The following ITFG2 variants were observed in gnomAD, a reference collection of about 807,000 sequenced individuals.
ITFG2 encodes integrin alpha FG-GAP repeat containing 2, also known as KICSTOR complex protein ITFG2.
In ITFG2, 36 loss-of-function variants were observed where a neutral mutation model predicts 54.4. The ratio of observed to expected loss-of-function variants is 0.66; its 90% confidence interval spans 0.51 to 0.87. The LOEUF (loss-of-function observed/expected upper bound fraction) is 0.87. ITFG2 is among the 40% of genes least tolerant of loss of function. ITFG2 has a pLI of 0.00. For missense variants in ITFG2, 524 were observed against 576.7 expected, an observed-to-expected ratio of 0.91 and a Z score of 0.94; for synonymous variants, 211 against 225.4, an observed-to-expected ratio of 0.94 and a Z score of 0.57.
At chr12:2,828,417 A>C (rs770362535), downstream of ITFG2, 16 of 1,612,648 alleles carry the variant, frequency 9.9e-6, no homozygotes, top group Non-Finnish European at 1.4e-5. Context: ...TCCTGGCACT[A>C]AGAAAGAAGA....
At chr12:2,814,551 C>T (rs771156584) in intron 1 of ITFG2, among the ~76,000 whole-genome samples, 30 of 152,066 alleles carry the variant, frequency 2.0e-4, no homozygotes, top group African/African-American at 3.6e-4. Context: ...AGGCACTGGC[C>T]GGGTGTGATG....
chr12:2,830,757 C>A (rs150479141), intron 2 of ITFG2: 2 of 1,613,812 alleles, frequency 1.2e-6, no homozygotes, highest in African/African-American at 2.7e-5. Context: ...GGTCTTCCTC[C>A]TGCTCTCCTG....
chr12:2,840,592 C>T (rs1168965339), intron 1 of ITFG2, among the ~76,000 whole-genome samples: 1 of 152,184 alleles, frequency 6.6e-6, no homozygotes, highest in Non-Finnish European at 1.5e-5. Context: ...TGAGACCATC[C>T]TGGCTAACAC....
At chr12:2,833,000 A>G (rs376582342), upstream of ITFG2, among the ~76,000 whole-genome samples, 145 of 152,010 alleles carry the variant, frequency 9.5e-4, no homozygotes, top group African/African-American at 3.1e-3. Context: ...CGATGAACAC[A>G]GGCTTCAGGC....
At chr12:2,814,696 G>C (rs2097917436) in intron 1 of ITFG2, among the ~76,000 whole-genome samples, 1 of 141,012 alleles carries the variant, frequency 7.1e-6, no homozygotes, top group South Asian at 2.5e-4. Flanking sequence ...GCCAGGTGTG[G>C]TGGTGCATGC....
At position 2,824,160 on chromosome 12, in the gene ITFG2, G is replaced by A. The variant is rs1418195111; in HGVS notation, c.1311G>A (p.Gln437=). ...TCTACCATCCAGACCAGCCACCACA[G>A]TGTGCTCCCTCAAGCCTCCAGGATC... The part of the protein sequence containing the change: ...QTLYHPDQPP[Q]CAPSSLQDPT Residue 437 remains glutamine (Q), a synonymous_variant, in exon 12 of 12, where the codon CAG becomes CAA. Coordinates refer to ENST00000228799, the MANE Select transcript of ITFG2 (RefSeq NM_018463.4). The A allele has an allele frequency of 6.2e-7, 1 of 1,614,076 alleles. No individual in the cohort carries two copies. Among genetic ancestry groups the A allele is most frequent in the African/African-American group, 1.3e-5 (1 of 74,932 alleles).
At chr12:2,826,242 A>G (rs1372690181), downstream of ITFG2, 1 of 152,016 alleles carries the variant, frequency 6.6e-6, no homozygotes, top group Admixed American at 6.6e-5. Context: ...TTGCTTTGGC[A>G]AAGCCTGGCA....
At chr12:2,844,423 G>A (rs2098048683) in intron 2 of ITFG2, among the ~76,000 whole-genome samples, 1 of 152,064 alleles carries the variant, frequency 6.6e-6, no homozygotes, top group African/African-American at 2.4e-5. Context: ...GCATAGCGGT[G>A]TGCGCTTGTA....
At position 2,821,729 on chromosome 12, in the gene ITFG2, C is replaced by A; in HGVS notation, c.885C>A (p.Asp295Glu). ...TCATGGAAGAAATGGAAGAAGCAGA[C>A]AAGCTGCTGTGGTCAGTGCAGGTGG... ...LKLMEEMEEADKLLWSVQVDH... is the reference protein window; with the variant it reads ...LKLMEEMEEAEKLLWSVQVDH... Residue 295 changes from aspartate to glutamate, a missense_variant, in exon 9 of 12, where the codon GAC (aspartate) becomes GAA (glutamate). Transcript: ENST00000228799. 6.2e-7 allele frequency: 1 copy of A among 1,614,122 alleles called. No homozygotes were observed. The highest frequency in any genetic ancestry group is 8.5e-7 in the Non-Finnish European group (1 of 1,180,012).
intron 5 of ITFG2, 45 bp from the exon 6 acceptor site, chr12:2,820,679 C>T: frequency 2.5e-6 from 4 of 1,586,540 alleles, no homozygotes; most frequent in Non-Finnish European, 3.4e-6. Context: ...CAGGGACCCA[C>T]TTCCTTCTCT....
intron 2 of ITFG2, chr12:2,849,006 C>T (rs1023093149): frequency 1.5e-5 from 8 of 550,690 alleles, no homozygotes; most frequent in Admixed American, 1.0e-4. Context: ...CTCCCACCTT[C>T]GATGAGAGTC....
chr12:2,816,008 G>A (rs939131909), intron 1 of ITFG2, among the ~76,000 whole-genome samples: 7 of 151,650 alleles, frequency 4.6e-5, no homozygotes, highest in Non-Finnish European at 8.8e-5. Flanking sequence ...GAAGCTGCAG[G>A]TGTGCACCAC....
downstream of ITFG2, among the ~76,000 whole-genome samples, chr12:2,828,784 G>A (rs1490196826): frequency 6.6e-6 from 1 of 152,176 alleles, no homozygotes; most frequent in Non-Finnish European, 1.5e-5. Flanking sequence ...GGAGGTTGTG[G>A]TGAGCCAAGA....
At chr12:2,859,613 C>T (rs2098105207) in exon 4 of ITFG2, 1 of 1,612,860 alleles carries the variant, frequency 6.2e-7, no homozygotes, top group Admixed American at 1.7e-5. Flanking sequence ...TCTCCTCTTT[C>T]CCTGGTCCTG....
At chr12:2,834,565 T>C, upstream of ITFG2, 1 of 1,510,824 alleles carries the variant, frequency 6.6e-7, no homozygotes, top group Non-Finnish European at 8.8e-7. Context: ...CACTTTCTGG[T>C]CCTGCCTCCT....
chr12:2,830,526 G>T (rs1421629124), intron 2 of ITFG2: 2 of 572,190 alleles, frequency 3.5e-6, no homozygotes, highest in East Asian at 6.3e-5. Context: ...GAGTTGCACC[G>T]AGGAGACATG....
At chr12:2,823,347 C>A (rs1464745464) in intron 10 of ITFG2, among the ~76,000 whole-genome samples, 1 of 152,134 alleles carries the variant, frequency 6.6e-6, no homozygotes, top group East Asian at 1.9e-4. Flanking sequence ...AAATCAGGGG[C>A]CTTGGGAGGC....
At chr12:2,813,065 C>T (rs892147151) in intron 1 of ITFG2, among the ~76,000 whole-genome samples, 15 of 152,202 alleles carry the variant, frequency 9.9e-5, no homozygotes, top group Non-Finnish European at 1.5e-5. Context: ...TTGAGACAGG[C>T]TCCGTCTGTC....
In ITFG2 at chr12:2,823,825, C is replaced by A. The variant is rs764315411; in HGVS notation, c.1122C>A (p.Phe374Leu). Residue 374 changes from phenylalanine to leucine, a missense_variant, in exon 11 of 12, where the codon TTC becomes TTA. By Grantham distance (22) the Phe-to-Leu change is conservative. Transcript: ENST00000228799. ...RNSPCLVYVTFNQKIYVYWEV... is the reference protein window; with the variant it reads ...RNSPCLVYVTLNQKIYVYWEV... ...GCCCCTGCCTCGTATATGTCACTTT[C>A]AACCAGAAGATCTATGTGTACTGGG... 2 of 1,608,468 alleles carry A rather than the reference C, an allele frequency of 1.2e-6. No homozygotes were observed. Among genetic ancestry groups the A allele is most frequent in the Non-Finnish European group, 1.7e-6 (2 of 1,176,836 alleles).
Sources: gnomAD v4.1 joint callset for allele counts (sites outside exome capture counted in the v4.1 genomes callset) on GRCh38, gnomAD v4.1.1 for gene constraint, MANE v1.5 for transcripts, NCBI Gene and HGNC (gene_info 2026-07-23, HGNC 2026-07-21) for gene names.